GPC5: variants seen among roughly 807,000 people sequenced by gnomAD.
GPC5 encodes the protein glypican-5.
Under a neutral mutation model 53.9 loss-of-function variants are expected in GPC5, and 47 were observed. The observed-to-expected ratio is 0.87, with a 90% CI of 0.69 to 1.11. The LOEUF (loss-of-function observed/expected upper bound fraction) is 1.11, where lower values mean the gene tolerates loss of function less well. Ranked by LOEUF, GPC5 falls within the 50% of genes most tolerant of loss-of-function variation. The pLI is 0.00. For missense variants in GPC5, 748 were observed against 713.1 expected, an observed-to-expected ratio of 1.05 and a Z score of -0.56; for synonymous variants, 286 against 263.3, an observed-to-expected ratio of 1.09 and a Z score of -0.84.
chr13:92,631,648 C>A lies in GPC5; in HGVS notation c.1562-234634C>A, dbSNP rs77333142. 4.3e-3 allele frequency among the ~76,000 whole-genome samples: 650 copies of A among 152,160 alleles called. 6 individuals are homozygous for A. The highest frequency in any genetic ancestry group is 0.015 in the African/African-American group (628 of 41,530). On this transcript the variant is annotated intron_variant, in intron 7 of 7. Coordinates refer to ENST00000377067, the MANE Select transcript of GPC5 (RefSeq NM_004466.6). ...CCAAAAACTGCAACTGCTTTTGCGC[C>A]AACCTAATAATAAAAATATGGTTGA...
At chr13:92,773,254 T>C (rs1054381582) in intron 7 of GPC5, among the ~76,000 whole-genome samples, 14 of 152,210 alleles carry the variant, frequency 9.2e-5, no homozygotes, top group African/African-American at 2.7e-4. Flanking sequence ...CTATATCCAC[T>C]TCCATCTCAC....
At chr13:91,866,756 A>G (rs2039089226) in intron 5 of GPC5, among the ~76,000 whole-genome samples, 1 of 152,246 alleles carries the variant, frequency 6.6e-6, no homozygotes, top group Admixed American at 6.5e-5. Context: ...TGAACCTTTC[A>G]TATTAAAATT....
chr13:92,213,892 C>T (rs976842377), intron 7 of GPC5, among the ~76,000 whole-genome samples: 1 of 152,154 alleles, frequency 6.6e-6, no homozygotes, highest in Non-Finnish European at 1.5e-5. Flanking sequence ...ATAGGCAGAA[C>T]TTTCTAACCC....
intron 7 of GPC5, among the ~76,000 whole-genome samples, chr13:92,385,437 CAT>C (rs796970443): frequency 6.2e-5 from 4 of 64,066 alleles, no homozygotes; most frequent in African/African-American, 1.9e-4. Context: ...TACATATATA[CAT>C]ATATACATAT....
At chr13:92,832,962 T>C (rs1259121334) in intron 7 of GPC5, among the ~76,000 whole-genome samples, 2 of 152,056 alleles carry the variant, frequency 1.3e-5, no homozygotes, top group Non-Finnish European at 2.9e-5. Flanking sequence ...GAGCCGAGAC[T>C]GCCAAAGCAC....
chr13:92,033,036 C>CGTGTGTGTGTGTGT lies in GPC5; in HGVS notation c.1402-111768_1402-111755dup, dbSNP rs60958496. Reference sequence around the variant, plus strand: ...TTCTTCTGCCCGGGCTAGTTATTGTCGTGTGTGTGTGTGTGTGTGTGTGTG... The same window carrying CGTGTGTGTGTGTGT: ...TTCTTCTGCCCGGGCTAGTTATTGTCGTGTGTGTGTGTGTGTGTGTGTGTGTGTGTGTGTGTGTG... On this transcript the variant is annotated intron_variant, in intron 6 of 7. Transcript: ENST00000377067. Among the ~76,000 whole-genome samples, 406 of 139,072 alleles carry CGTGTGTGTGTGTGT rather than the reference C, an allele frequency of 2.9e-3. 9 individuals are homozygous for CGTGTGTGTGTGTGT. Among genetic ancestry groups the CGTGTGTGTGTGTGT allele is most frequent in the African/African-American group, 6.9e-3 (254 of 36,552 alleles). 91.2% of individuals were successfully genotyped at this position (139,072 alleles called of 152,430 possible).
At chr13:91,614,097 GC>G (rs1446161653) in intron 2 of GPC5, among the ~76,000 whole-genome samples, 1 of 152,214 alleles carries the variant, frequency 6.6e-6, no homozygotes, top group Non-Finnish European at 1.5e-5. Flanking sequence ...ATTGGTAAGA[GC>G]AGTTGCATTT....
chr13:92,694,074 C>A (rs1477213593), intron 7 of GPC5, among the ~76,000 whole-genome samples: 1 of 152,168 alleles, frequency 6.6e-6, no homozygotes, highest in Non-Finnish European at 1.5e-5. Context: ...AAGACCCAAA[C>A]CTTGGTGGCT....
intron 7 of GPC5, among the ~76,000 whole-genome samples, chr13:92,857,536 A>G (rs1168255140): frequency 1.3e-5 from 2 of 152,198 alleles, no homozygotes; most frequent in Non-Finnish European, 2.9e-5. Context: ...CAGACACCTT[A>G]CATAATGGAT....
At chr13:92,230,830 T>C (rs1011902681) in intron 7 of GPC5, among the ~76,000 whole-genome samples, 4 of 152,156 alleles carry the variant, frequency 2.6e-5, no homozygotes, top group African/African-American at 9.7e-5. Context: ...ATTACATTGA[T>C]TCATAAAAAT....
intron 1 of GPC5, among the ~76,000 whole-genome samples, chr13:91,433,767 A>C (rs905917581): frequency 6.6e-6 from 1 of 152,076 alleles, no homozygotes; most frequent in Admixed American, 6.6e-5. Flanking sequence ...ATCCCTGAGG[A>C]ATTGCCACAC....
At chr13:91,968,418 AAT>A (rs2040209710) in intron 6 of GPC5, among the ~76,000 whole-genome samples, 1 of 152,120 alleles carries the variant, frequency 6.6e-6, no homozygotes, top group African/African-American at 2.4e-5. Flanking sequence ...ATTTAATATT[AAT>A]ATATGTTTCA....
At chr13:92,250,640 A>C (rs1004537638) in intron 7 of GPC5, among the ~76,000 whole-genome samples, 14 of 152,102 alleles carry the variant, frequency 9.2e-5, no homozygotes, top group Non-Finnish European at 1.5e-4. Context: ...CTGCTTTAAA[A>C]TTATTACTTT....
intron 6 of GPC5, among the ~76,000 whole-genome samples, chr13:92,132,595 C>G (rs1424985324): frequency 6.6e-6 from 1 of 152,042 alleles, no homozygotes; most frequent in Non-Finnish European, 1.5e-5. Context: ...TTCTTTGTGT[C>G]TCCGTATAGT....
At chr13:91,631,345 A>G (rs1191204663) in intron 2 of GPC5, among the ~76,000 whole-genome samples, 1 of 152,024 alleles carries the variant, frequency 6.6e-6, no homozygotes, top group African/African-American at 2.4e-5. Flanking sequence ...AACATATGTG[A>G]CTGTTTTTGT....
At chr13:91,448,989 G>T in intron 2 of GPC5, 67 bp downstream of exon 2, 8 of 1,500,854 alleles carry the variant, frequency 5.3e-6, no homozygotes, top group South Asian at 1.3e-5. Context: ...AGATAGTTAC[G>T]TTGGCAAACT....
chr13:92,493,395 G>T (rs7492013), intron 7 of GPC5, among the ~76,000 whole-genome samples: 95,789 of 151,928 alleles, frequency 0.63, 30,402 homozygotes, highest in East Asian at 0.74. Context: ...TCAGTATTAA[G>T]AGGATTTAAT....
Position 91,398,671 on chromosome 13 carries a change from CGGCGGCAGTGGCGGCAGT to C in GPC5, c.-358_-341del, listed in dbSNP as rs60533993. The C allele has an allele frequency of 9.1e-5, 14 of 153,468 alleles. No individual in the cohort carries two copies. The highest frequency in any genetic ancestry group is 7.8e-4 in the East Asian group (4 of 5,114). 9.5% of individuals were successfully genotyped at this position (153,468 alleles called of 1,614,324 possible). ...AGCCGGGCGGCGGAGGCGGCGGCGG[CGGCGGCAGTGGCGGCAGT>C]GGCGGCAGTGGCGGCAGCGGCAGCA... On this transcript the variant is annotated 5_prime_UTR_variant, in exon 1 of 8. Coordinates refer to ENST00000377067, the MANE Select transcript of GPC5 (RefSeq NM_004466.6).
At chr13:92,623,036 T>A (rs1447263059) in intron 7 of GPC5, among the ~76,000 whole-genome samples, 1 of 151,972 alleles carries the variant, frequency 6.6e-6, no homozygotes, top group Non-Finnish European at 1.5e-5. Context: ...GTTATATTTT[T>A]TTTACTTTGG....
Sources: allele counts gnomAD v4.1 joint callset (sites outside exome capture counted in the v4.1 genomes callset), GRCh38; gene constraint gnomAD v4.1.1; transcripts MANE v1.5; gene names NCBI Gene and HGNC (gene_info 2026-07-23, HGNC 2026-07-21).